Variants in DLGAP2 observed in about 807,000 individuals in gnomAD.
DLGAP2 encodes the protein disks large-associated protein 2.
In DLGAP2, 26 loss-of-function variants were observed where a neutral mutation model predicts 100.3. The ratio of observed to expected loss-of-function variants is 0.26; its 90% CI spans 0.19 to 0.36. The LOEUF is 0.36. Ranked by LOEUF, DLGAP2 falls within the 10% of genes least tolerant of loss-of-function variation. The probability of loss-of-function intolerance (pLI) is 1.00; values close to 1 mark genes in which losing one functional copy is unlikely to be tolerated. For missense variants in DLGAP2, 1,858 were observed against 1,453.2 expected (o/e 1.28, Z -4.53); for synonymous variants, 886 against 630.1 (o/e 1.41, Z -6.08).
chr8:1,420,630 C>A (rs1797064484), intron 3 of DLGAP2, among the ~76,000 whole-genome samples: 1 of 152,212 alleles, frequency 6.6e-6, no homozygotes, highest in South Asian at 2.1e-4. Context: ...CAAGGTTTCA[C>A]ACTGTCAGGA....
intron 1 of DLGAP2, among the ~76,000 whole-genome samples, chr8:796,338 A>T (rs1345967392): frequency 1.3e-5 from 2 of 151,194 alleles, no homozygotes; most frequent in African/African-American, 2.4e-5. Flanking sequence ...CTCCTGGGAG[A>T]ATTCTTCTGT....
At chr8:1,005,862 T>G (rs1229326210) in intron 2 of DLGAP2, among the ~76,000 whole-genome samples, 1 of 152,094 alleles carries the variant, frequency 6.6e-6, no homozygotes, top group Admixed American at 6.5e-5. Flanking sequence ...GCTCCAGATG[T>G]CCCATGACTG....
chr8:1,609,554 A>C lies in DLGAP2; in HGVS notation c.1443-17186A>C, dbSNP rs1796928192. Among the ~76,000 whole-genome samples the C allele has an allele frequency of 1.5e-5, 2 of 134,418 alleles. 1 individual carries two copies. The highest frequency in any genetic ancestry group is 1.6e-4 in the Admixed American group (2 of 12,482). 88.2% of individuals were successfully genotyped at this position (134,418 alleles called of 152,430 possible). ...CACACATAATATTAACTTTAAATGT[A>C]AATGGACTAAATGCTCCAATTAAAA... On this transcript the variant is annotated intron_variant, in intron 6 of 14. Transcript: ENST00000637795.
chr8:1,092,841 A>C (rs1804230191), intron 2 of DLGAP2, among the ~76,000 whole-genome samples: 1 of 152,100 alleles, frequency 6.6e-6, no homozygotes, highest in African/African-American at 2.4e-5. Context: ...GAAGGCCAGG[A>C]GTGTGGACCG....
chr8:1,190,967 G>A (rs574245194), intron 2 of DLGAP2, among the ~76,000 whole-genome samples: 3 of 152,264 alleles, frequency 2.0e-5, no homozygotes, highest in East Asian at 1.9e-4. Flanking sequence ...CGCAGCGAGG[G>A]GGGTGGGTGA....
rs1042163877 is a variant in DLGAP2 at position 788,018 on chromosome 8, A to C, written c.18+50193A>C. Among the ~76,000 whole-genome samples, 8 of 131,712 alleles carry C rather than the reference A, an allele frequency of 6.1e-5. No individual in the cohort carries two copies. In the East Asian group the frequency reaches 1.5e-3, roughly 25 times the overall value. The allele number at this position is 131,712 out of a possible 152,430, so 86.4% of individuals were successfully genotyped here. The stretch of plus-strand genomic sequence containing the variant: ...GGATTCTAGGCAGTAGGACAGCAGC[A>C]TGGTGGCCACAGGGGTCTGCCCTTG... On this transcript the variant is annotated intron_variant, in intron 1 of 14. Transcript: ENST00000637795.
intron 3 of DLGAP2, among the ~76,000 whole-genome samples, chr8:1,449,609 A>T (rs895914534): frequency 6.6e-5 from 10 of 152,208 alleles, no homozygotes; most frequent in Non-Finnish European, 1.5e-4. Context: ...GGCACTCTGC[A>T]TTCTGAACGG....
chr8:1,058,832 G>T (rs925859080), intron 2 of DLGAP2, among the ~76,000 whole-genome samples: 23 of 152,248 alleles, frequency 1.5e-4, no homozygotes, highest in African/African-American at 5.5e-4. Flanking sequence ...CTTGTGGTGT[G>T]ACTTCATGTG....
At chr8:1,374,961 C>G (rs567051125) in intron 3 of DLGAP2, among the ~76,000 whole-genome samples, 8 of 151,492 alleles carry the variant, frequency 5.3e-5, no homozygotes, top group African/African-American at 1.7e-4. Context: ...AGCAGGTGGT[C>G]GATCTCAAGC....
chr8:919,157 C>G lies in DLGAP2; in HGVS notation c.73+11191C>G, dbSNP rs572767119. 9.9e-5 allele frequency among the ~76,000 whole-genome samples: 15 copies of G among 152,246 alleles called. 1 individual carries two copies. Among genetic ancestry groups the G allele is most frequent in the African/African-American group, 3.6e-4 (15 of 41,528 alleles). The stretch of plus-strand genomic sequence containing the variant: ...AAAAAGTACTTGGCATCTAAAAATA[C>G]ATTATTATTTGACCCGAAATGGAAA... On this transcript the variant is annotated intron_variant, in intron 2 of 14. Coordinates refer to ENST00000637795, the MANE Select transcript of DLGAP2 (RefSeq NM_001346810.2).
At chr8:1,480,724 G>C (rs1024231666) in intron 3 of DLGAP2, among the ~76,000 whole-genome samples, 2 of 151,742 alleles carry the variant, frequency 1.3e-5, no homozygotes, top group African/African-American at 4.8e-5. Context: ...AAACTAGCCA[G>C]GCATGGTGGT....
At chr8:1,238,442 C>T (rs1309075276) in intron 2 of DLGAP2, among the ~76,000 whole-genome samples, 1 of 132,584 alleles carries the variant, frequency 7.5e-6, no homozygotes, top group African/African-American at 2.8e-5. Context: ...CTAGTTCTCT[C>T]ACATGGCGCC....
At chr8:1,081,346 AAG>A (rs1176428617) in intron 2 of DLGAP2, among the ~76,000 whole-genome samples, 2 of 152,186 alleles carry the variant, frequency 1.3e-5, no homozygotes, top group Admixed American at 1.3e-4. Context: ...ATACATAAGA[AAG>A]GTTTTAAGAG....
intron 1 of DLGAP2, among the ~76,000 whole-genome samples, chr8:843,059 G>A (rs1325650349): frequency 6.6e-6 from 1 of 152,142 alleles, no homozygotes; most frequent in African/African-American, 2.4e-5. Context: ...TGCAGGCAGG[G>A]GTGTTATTCG....
chr8:1,145,758 C>G (rs1300597681), intron 2 of DLGAP2, among the ~76,000 whole-genome samples: 2 of 125,220 alleles, frequency 1.6e-5, no homozygotes, highest in Non-Finnish European at 3.2e-5. Context: ...TGCTATCCCT[C>G]CCCCCTCCCC....
At position 1,586,173 on chromosome 8, in the gene DLGAP2, C is replaced by A. The variant is rs138480641; in HGVS notation, c.1442+20279C>A. ...GCCGAGGTGTCGGCAGCCTGCCCTC[C>A]TTCCGGGTCTCTCTGGGCTAAGGCT... On this transcript the variant is annotated intron_variant, in intron 6 of 14. Coordinates refer to ENST00000637795, the MANE Select transcript of DLGAP2 (RefSeq NM_001346810.2). Among the ~76,000 whole-genome samples, 101 of 152,368 alleles carry A rather than the reference C, an allele frequency of 6.6e-4. 1 individual carries two copies. The Middle Eastern group carries it at 0.01, about 15-fold the overall frequency.
intron 2 of DLGAP2, among the ~76,000 whole-genome samples, chr8:1,070,415 CACAA>C (rs772198831): frequency 1.3e-5 from 2 of 152,158 alleles, no homozygotes; most frequent in South Asian, 4.1e-4. Context: ...GTGTGGATTT[CACAA>C]ACAGTTTTAG....
At chr8:1,155,000 C>G (rs892091634) in intron 2 of DLGAP2, among the ~76,000 whole-genome samples, 2 of 152,210 alleles carry the variant, frequency 1.3e-5, no homozygotes, top group African/African-American at 4.8e-5. Context: ...GGCCTTGTCC[C>G]TCCCTCCCAT....
At chr8:940,016 C>T (rs963818597) in intron 2 of DLGAP2, among the ~76,000 whole-genome samples, 2 of 152,002 alleles carry the variant, frequency 1.3e-5, no homozygotes, top group African/African-American at 2.4e-5. Flanking sequence ...TAGAAGGAGC[C>T]GGGATCTCCG....
Sources: gnomAD v4.1 joint callset for allele counts (sites outside exome capture counted in the v4.1 genomes callset) on GRCh38, gnomAD v4.1.1 for gene constraint, MANE v1.5 for transcripts, NCBI Gene and HGNC (gene_info 2026-07-23, HGNC 2026-07-21) for gene names.